Variants in ARHGEF7 observed in about 807,000 individuals in gnomAD.
ARHGEF7 encodes the protein PAK-interacting exchange factor beta.
In ARHGEF7, 33 loss-of-function variants were observed where a neutral mutation model predicts 109.8. That is an observed-to-expected ratio of 0.30 (90% CI 0.23 to 0.40). ARHGEF7 has a LOEUF of 0.40. Ranked by LOEUF, ARHGEF7 falls within the 10% of genes least tolerant of loss-of-function variation. The pLI is 1.00. For missense variants in ARHGEF7, 938 were observed against 1,098.5 expected, an observed-to-expected ratio of 0.85 and a Z score of 2.07; for synonymous variants, 458 against 424.6, an observed-to-expected ratio of 1.08 and a Z score of -0.97.
intron 1 of ARHGEF7, chr13:111,153,677 CG>C: frequency 8.0e-7 from 1 of 1,243,778 alleles, no homozygotes; most frequent in Non-Finnish European, 1.0e-6. Flanking sequence ...CTTCCTGGTG[CG>C]GGAAGGGGCA....
intron 2 of ARHGEF7, 80 bp from the exon 3 acceptor site, chr13:111,205,209 C>A: frequency 9.2e-7 from 1 of 1,089,730 alleles, no homozygotes; most frequent in South Asian, 1.5e-5. Context: ...TGAGCATCGT[C>A]GCGTTGCTGG....
chr13:111,265,038 C>T (rs1054633780), intron 8 of ARHGEF7, among the ~76,000 whole-genome samples: 4 of 148,042 alleles, frequency 2.7e-5, no homozygotes, highest in Non-Finnish European at 4.4e-5. Context: ...ACACGAGAAT[C>T]GCTTGAACCG....
At position 111,260,400 on chromosome 13, in the gene ARHGEF7, G is replaced by T. The variant is rs114387475; in HGVS notation, c.951-7148G>T. 8.0e-3 allele frequency among the ~76,000 whole-genome samples: 1,216 copies of T among 152,326 alleles called. 14 individuals carry two copies. The highest frequency in any genetic ancestry group is 0.027 in the African/African-American group (1,134 of 41,576). On this transcript the variant is annotated intron_variant, in intron 8 of 21. Coordinates refer to ENST00000646102, the MANE Select transcript of ARHGEF7 (RefSeq NM_001354046.2). ...ACAAATACCATACAAAGATGCTCCA[G>T]TACATCTGGCAGCAGACTTCTCAGT...
intron 8 of ARHGEF7, among the ~76,000 whole-genome samples, chr13:111,253,217 T>C (rs1377243218): frequency 1.3e-5 from 2 of 152,262 alleles, no homozygotes; most frequent in East Asian, 1.9e-4. Flanking sequence ...CTGTAGACCC[T>C]GTTACAGTAT....
chr13:111,279,766 T>A (rs775790108), intron 13 of ARHGEF7, among the ~76,000 whole-genome samples: 4 of 152,242 alleles, frequency 2.6e-5, no homozygotes, highest in Non-Finnish European at 4.4e-5. Context: ...GTGTGCAGCA[T>A]TTAGCACAAC....
At chr13:111,186,263 T>C (rs1369036513) in intron 2 of ARHGEF7, among the ~76,000 whole-genome samples, 9 of 152,182 alleles carry the variant, frequency 5.9e-5, no homozygotes, top group Non-Finnish European at 1.3e-4. Context: ...CACCCCTTCC[T>C]GGAAACTACC....
intron 1 of ARHGEF7, among the ~76,000 whole-genome samples, chr13:111,135,809 C>G (rs2046523156): frequency 6.6e-6 from 1 of 152,170 alleles, no homozygotes; most frequent in East Asian, 1.9e-4. Context: ...CCTGATTGCC[C>G]TGGCTAGAAC....
chr13:111,133,351 C>T (rs572831038), intron 1 of ARHGEF7, among the ~76,000 whole-genome samples: 1 of 152,232 alleles, frequency 6.6e-6, no homozygotes, highest in East Asian at 1.9e-4. Context: ...CATGCACACA[C>T]ATAAACATAC....
chr13:111,291,585 G>A (rs9515399), intron 18 of ARHGEF7, among the ~76,000 whole-genome samples: 49,421 of 152,192 alleles, frequency 0.32, 8,633 homozygotes, highest in Non-Finnish European at 0.39. Context: ...TTATGGTCTT[G>A]GCAAAGAGCC....
rs61966699 is a variant in ARHGEF7 at position 111,131,704 on chromosome 13, T to C, written c.165+16013T>C. ...ACCTGAGGTCAGGGGACGAGAGTGC[T>C]GGTGTGTTTCTGAGAGGTCAGGTGA... is the stretch of plus-strand genomic sequence containing the variant. On this transcript the variant is annotated intron_variant, in intron 1 of 21. Coordinates refer to ENST00000646102, the MANE Select transcript of ARHGEF7 (RefSeq NM_001354046.2). The surrounding 1 kb of genome is among the most constrained non-coding windows in gnomAD (Gnocchi z 4.4). Among the ~76,000 whole-genome samples, 2,288 of 152,172 alleles carry C rather than the reference T, an allele frequency of 0.015. 24 individuals carry two copies. Among genetic ancestry groups the C allele is most frequent in the Non-Finnish European group, 0.02 (1,376 of 68,000 alleles).
chr13:111,153,812 T>C (rs1339567145), intron 1 of ARHGEF7, 93 bp from the exon 2 acceptor site: 10 of 1,484,382 alleles, frequency 6.7e-6, no homozygotes, highest in Non-Finnish European at 8.0e-6. Context: ...TCGCCCGCTG[T>C]GTTGGGAGCG....
At chr13:111,216,329 A>G (rs899224226) in intron 4 of ARHGEF7, among the ~76,000 whole-genome samples, 1 of 151,972 alleles carries the variant, frequency 6.6e-6, no homozygotes, top group Non-Finnish European at 1.5e-5. Context: ...GTATGTCAAG[A>G]AGTGTGGGTG....
At chr13:111,175,614 C>T (rs943394766) in intron 2 of ARHGEF7, among the ~76,000 whole-genome samples, 1 of 152,160 alleles carries the variant, frequency 6.6e-6, no homozygotes, top group African/African-American at 2.4e-5. Flanking sequence ...GCTGCTGGCT[C>T]CTCACTGGGC....
At position 111,292,905 on chromosome 13, in the gene ARHGEF7, G is replaced by A. The variant is rs1467835100; in HGVS notation, c.2311+611G>A. The A allele has an allele frequency of 1.4e-5, 14 of 987,276 alleles. No individual in the cohort carries two copies. In the East Asian group the frequency reaches 4.5e-4, roughly 32 times the overall value. 61.2% of individuals were successfully genotyped at this position (987,276 alleles called of 1,614,324 possible). ...TCTGGGCCTTGGCAGGTGCACAGAC[G>A]GGCGGGCGTCACGTGTGTTCAGAGC... On this transcript the variant is annotated intron_variant, in intron 19 of 21. Transcript: ENST00000646102.
intron 4 of ARHGEF7, among the ~76,000 whole-genome samples, 170 bp from the exon 5 acceptor site, chr13:111,217,509 G>T (rs895591806): frequency 2.0e-5 from 3 of 152,216 alleles, no homozygotes; most frequent in South Asian, 2.1e-4. Flanking sequence ...GGCTGGAGTG[G>T]TGCTGGTGGT....
chr13:111,218,765 A>G (rs553657204), intron 5 of ARHGEF7, among the ~76,000 whole-genome samples: 2 of 152,132 alleles, frequency 1.3e-5, no homozygotes, highest in Non-Finnish European at 2.9e-5. Context: ...TTGAATTGTT[A>G]AGGTTTATAC....
chr13:111,191,660 G>T (rs1337542514), intron 2 of ARHGEF7, among the ~76,000 whole-genome samples: 1 of 152,140 alleles, frequency 6.6e-6, no homozygotes, highest in African/African-American at 2.4e-5. Flanking sequence ...AACAGAGAGT[G>T]GGTTGAGAGT....
intron 15 of ARHGEF7, 133 bp from the exon 16 acceptor site, chr13:111,283,006 T>A: frequency 8.2e-7 from 1 of 1,222,418 alleles, no homozygotes; most frequent in Admixed American, 2.3e-5. Context: ...GAGATACGAA[T>A]GAAATGATAA....
Position 111,213,324 on chromosome 13 carries a change from T to C in ARHGEF7, c.468+3322T>C, listed in dbSNP as rs1300873931. 2.0e-5 allele frequency among the ~76,000 whole-genome samples: 3 copies of C among 152,184 alleles called. 1 individual carries two copies. The highest frequency in any genetic ancestry group is 1.5e-5 in the Non-Finnish European group (1 of 68,030). On this transcript the variant is annotated intron_variant, in intron 4 of 21. Coordinates refer to ENST00000646102, the MANE Select transcript of ARHGEF7 (RefSeq NM_001354046.2). Reference sequence around the variant, plus strand: ...TTGGGTTAGGGCAGTGGGGGAACTGTCTTCACTCCCCTCCAGTTACTAAAT... The same window carrying C: ...TTGGGTTAGGGCAGTGGGGGAACTGCCTTCACTCCCCTCCAGTTACTAAAT...
Sources: allele counts gnomAD v4.1 joint callset (sites outside exome capture counted in the v4.1 genomes callset), GRCh38; gene constraint gnomAD v4.1.1; non-coding constraint Gnocchi (gnomAD v3.1); transcripts MANE v1.5; gene names NCBI Gene and HGNC (gene_info 2026-07-23, HGNC 2026-07-21).